ANXA8: variants seen among roughly 807,000 people sequenced by gnomAD.
The protein encoded by ANXA8 is VAC-beta.
Under a neutral mutation model 26.8 loss-of-function variants are expected in ANXA8, and 9 were observed. The ratio of observed to expected loss-of-function variants is 0.34; its 90% CI spans 0.20 to 0.59. The LOEUF (loss-of-function observed/expected upper bound fraction) is 0.59, where lower values mean the gene tolerates loss of function less well. Ranked by LOEUF, ANXA8 falls within the 20% of genes least tolerant of loss-of-function variation. The probability of loss-of-function intolerance (pLI) is 0.84; values close to 1 mark genes in which losing one functional copy is unlikely to be tolerated. For synonymous variants in ANXA8, 39 were observed against 94.8 expected (o/e 0.41, Z 3.42); for missense variants, 83 against 238.5 (o/e 0.35, Z 4.29).
the ANXA8 span, among the ~76,000 whole-genome samples, chr10:47,660,793 T>G: frequency 2.0e-5 from 3 of 147,910 alleles, no homozygotes; most frequent in Admixed American, 2.0e-4. Flanking sequence ...CATGTTGTCT[T>G]TCTCCACTGA....
the ANXA8 span, among the ~76,000 whole-genome samples, chr10:47,968,101 T>C: frequency 6.6e-6 from 1 of 150,994 alleles, no homozygotes; most frequent in Non-Finnish European, 1.5e-5. Flanking sequence ...TACACATGAG[T>C]ATTTGTCTAA....
chr10:47,958,214 C>T, the ANXA8 span, among the ~76,000 whole-genome samples: 1 of 150,016 alleles, frequency 6.7e-6, no homozygotes, highest in Non-Finnish European at 1.5e-5. Context: ...CGTGGTGGTT[C>T]ATGCCTGTAA....
At chr10:47,683,254 A>T in the ANXA8 span, among the ~76,000 whole-genome samples, 2 of 111,458 alleles carry the variant, frequency 1.8e-5, no homozygotes, top group African/African-American at 3.6e-5. Context: ...TTTGAGATGG[A>T]GTCTCGCTTT....
At chr10:47,633,804 C>T in the ANXA8 span, among the ~76,000 whole-genome samples, 3 of 150,298 alleles carry the variant, frequency 2.0e-5, no homozygotes, top group Non-Finnish European at 4.4e-5. Context: ...CAAGATCCTA[C>T]CCCCTGACAT....
the ANXA8 span, among the ~76,000 whole-genome samples, chr10:47,743,378 A>ATATATGTGTGTG: frequency 1.7e-5 from 1 of 59,772 alleles, no homozygotes; most frequent in African/African-American, 5.6e-5. Context: ...ATACATATAT[A>ATATATGTGTGTG]TGTGTGTGTG....
chr10:47,595,756 G>A, the ANXA8 span, among the ~76,000 whole-genome samples: 4 of 148,974 alleles, frequency 2.7e-5, no homozygotes, highest in Non-Finnish European at 4.4e-5. Context: ...GGAGCATCAC[G>A]ATACATAAAG....
the ANXA8 span, chr10:47,564,989 G>T: frequency 9.4e-7 from 1 of 1,063,792 alleles, no homozygotes; most frequent in Non-Finnish European, 1.5e-6. Context: ...CCAAGTCATC[G>T]TCCACCGTCT....
chr10:47,544,122 A>T, the ANXA8 span, among the ~76,000 whole-genome samples: 39 of 152,026 alleles, frequency 2.6e-4, no homozygotes, highest in African/African-American at 9.4e-4. Context: ...GCATCACTGA[A>T]AACCGAGGCT....
chr10:47,482,193 G>T lies in ANXA8; in HGVS notation c.21+1720C>A, dbSNP rs1453987467. 1.1e-4 allele frequency among the ~76,000 whole-genome samples: 15 copies of T among 132,932 alleles called. 4 individuals are homozygous for T. Among genetic ancestry groups the T allele is most frequent in the Non-Finnish European group, 1.6e-4 (10 of 64,182 alleles). 87.2% of individuals were successfully genotyped at this position (132,932 alleles called of 152,430 possible). ...CTAGCAGCTCAGCTGTTGCAGGTGGGGTCTACCTGTGAACTTGCTACCCCT... is the reference window on the plus strand; with the variant it reads ...CTAGCAGCTCAGCTGTTGCAGGTGGTGTCTACCTGTGAACTTGCTACCCCT... On this transcript the variant is annotated intron_variant, in intron 1 of 11. Transcript: ENST00000585281.
the ANXA8 span, among the ~76,000 whole-genome samples, chr10:47,562,915 C>T: frequency 6.7e-6 from 1 of 148,942 alleles, no homozygotes; most frequent in Non-Finnish European, 1.5e-5. Flanking sequence ...CTATTCATTG[C>T]CCATGTTTGT....
chr10:47,495,349 G>T, the ANXA8 span, among the ~76,000 whole-genome samples: 1 of 148,494 alleles, frequency 6.7e-6, no homozygotes, highest in African/African-American at 2.5e-5. Context: ...GCAGTAGCAT[G>T]ATCTCGGCTC....
chr10:47,628,340 C>A, the ANXA8 span, among the ~76,000 whole-genome samples: 1 of 152,036 alleles, frequency 6.6e-6, no homozygotes, highest in African/African-American at 2.4e-5. Flanking sequence ...GTACTACATA[C>A]ATTATACATG....
the ANXA8 span, among the ~76,000 whole-genome samples, chr10:47,665,158 A>G: frequency 2.0e-4 from 30 of 149,382 alleles, no homozygotes; most frequent in East Asian, 4.8e-3. Context: ...AGTAGTATAG[A>G]AACTGCAAAT....
the ANXA8 span, among the ~76,000 whole-genome samples, chr10:47,658,484 T>A: frequency 3.4e-5 from 5 of 148,566 alleles, no homozygotes; most frequent in African/African-American, 5.2e-5. Context: ...ACTTTTGGAG[T>A]TTATGGGCAG....
chr10:47,614,087 A>G, the ANXA8 span, among the ~76,000 whole-genome samples: 296 of 74,632 alleles, frequency 4.0e-3, 84 homozygotes, highest in African/African-American at 0.011. Context: ...GTGAATTTGA[A>G]TATCTTTATG....
the ANXA8 span, among the ~76,000 whole-genome samples, chr10:47,705,145 A>G: frequency 2.6e-5 from 4 of 151,872 alleles, no homozygotes; most frequent in East Asian, 7.7e-4. Flanking sequence ...ACAGCAGGGC[A>G]TTTTAAGAAG....
the ANXA8 span, among the ~76,000 whole-genome samples, chr10:47,907,085 G>A: frequency 2.0e-5 from 3 of 151,716 alleles, no homozygotes; most frequent in African/African-American, 7.3e-5. Flanking sequence ...GGCCGGGCGC[G>A]GTGGCTCATG....
At chr10:47,768,025 G>T in the ANXA8 span, among the ~76,000 whole-genome samples, 7 of 149,562 alleles carry the variant, frequency 4.7e-5, no homozygotes, top group African/African-American at 1.8e-4. Flanking sequence ...GTTGGCATCA[G>T]CTGTTCCAGC....
chr10:47,558,027 A>T, the ANXA8 span, among the ~76,000 whole-genome samples: 1 of 151,922 alleles, frequency 6.6e-6, no homozygotes, highest in Non-Finnish European at 1.5e-5. Context: ...TATCTGTGGT[A>T]ATTAAGTTAA....
Sources: gnomAD v4.1 joint callset for allele counts (sites outside exome capture counted in the v4.1 genomes callset) on GRCh38, gnomAD v4.1.1 for gene constraint, MANE v1.5 for transcripts, NCBI Gene and HGNC (gene_info 2026-07-23, HGNC 2026-07-21) for gene names.